Variants in GDPD4 observed in about 807,000 individuals in gnomAD.
GDPD4 encodes the protein glycerophosphodiester phosphodiesterase domain containing 4, also known as glycerophosphodiester phosphodiesterase 6.
GDPD4 carries 60 observed loss-of-function variants against 67.8 expected under a neutral mutation model. The ratio of observed to expected loss-of-function variants is 0.88; its 90% CI spans 0.72 to 1.10. The LOEUF is 1.10. GDPD4 is among the 50% of genes least tolerant of loss of function. The pLI, the probability that GDPD4 is intolerant of heterozygous loss-of-function variation, is 0.00. For missense variants in GDPD4, 623 were observed against 613.9 expected, an observed-to-expected ratio of 1.01 and a Z score of -0.16; for synonymous variants, 212 against 210.9, an observed-to-expected ratio of 1.00 and a Z score of -0.04.
At chr11:77,232,933 C>T in intron 14 of GDPD4, 92 bp downstream of exon 14, 1 of 1,166,762 alleles carries the variant, frequency 8.6e-7, no homozygotes. Flanking sequence ...TAAGTGGCTG[C>T]CCAGGGGATG....
At chr11:77,251,725 T>C (rs1591547815) in intron 11 of GDPD4, among the ~76,000 whole-genome samples, 2 of 152,214 alleles carry the variant, frequency 1.3e-5, no homozygotes, top group East Asian at 3.8e-4. Context: ...TTCTTAGATC[T>C]ATATGTCCAC....
At chr11:77,244,177 G>A (rs375554566) in intron 12 of GDPD4, among the ~76,000 whole-genome samples, 2 of 152,042 alleles carry the variant, frequency 1.3e-5, no homozygotes, top group Admixed American at 6.5e-5. Flanking sequence ...TACCACACCC[G>A]GCTAATTTTT....
At chr11:77,230,958 G>A (rs1958443002) in intron 14 of GDPD4, among the ~76,000 whole-genome samples, 1 of 152,140 alleles carries the variant, frequency 6.6e-6, no homozygotes, top group Non-Finnish European at 1.5e-5. Flanking sequence ...TCCACTAGGT[G>A]AACACACTCC....
At position 77,235,503 on chromosome 11, in the gene GDPD4, G is replaced by A. The variant is rs144315943; in HGVS notation, c.1242-2331C>T. ...ACACATAAATCAGTGGAACAGAACCGAAAACCATACAATAGATCCATACAA... is the reference window on the plus strand; with the variant it reads ...ACACATAAATCAGTGGAACAGAACCAAAAACCATACAATAGATCCATACAA... On this transcript the variant is annotated intron_variant, in intron 13 of 16. Coordinates refer to ENST00000315938, the MANE Select transcript of GDPD4 (RefSeq NM_182833.3). 9.7e-4 allele frequency among the ~76,000 whole-genome samples: 148 copies of A among 152,276 alleles called. 1 individual carries two copies. Among genetic ancestry groups the A allele is most frequent in the African/African-American group, 3.4e-3 (142 of 41,564 alleles).
chr11:77,220,866 A>C (rs1226685605), intron 16 of GDPD4, among the ~76,000 whole-genome samples: 5 of 152,112 alleles, frequency 3.3e-5, no homozygotes, highest in Non-Finnish European at 7.4e-5. Context: ...GCTCTTAATT[A>C]TTGCCTCAAT....
intron 11 of GDPD4, among the ~76,000 whole-genome samples, chr11:77,252,001 G>A (rs980810171): frequency 6.7e-6 from 1 of 149,662 alleles, no homozygotes; most frequent in African/African-American, 2.5e-5. Context: ...TTTTATTTTG[G>A]TACTTGAATT....
At chr11:77,239,693 C>T (rs1958628239) in intron 13 of GDPD4, among the ~76,000 whole-genome samples, 1 of 152,082 alleles carries the variant, frequency 6.6e-6, no homozygotes, top group African/African-American at 2.4e-5. Context: ...GGTGCGGTGG[C>T]TCACACCTTA....
chr11:77,235,472 A>C (rs1352532587), intron 13 of GDPD4, among the ~76,000 whole-genome samples: 1 of 152,192 alleles, frequency 6.6e-6, no homozygotes, highest in Non-Finnish European at 1.5e-5. Flanking sequence ...ATTAGAGGAG[A>C]TATGGACACA....
At position 77,243,812 on chromosome 11, in the gene GDPD4, T is replaced by G. The variant is rs373470613; in HGVS notation, c.1123A>C (p.Arg375=). ...TGCTGAAAACCAGGAGCCACGGACCTGACGTATTGCCTATCATGAGCTGGC... is the reference window on the plus strand; with the variant it reads ...TGCTGAAAACCAGGAGCCACGGACCGGACGTATTGCCTATCATGAGCTGGC... The part of the protein sequence containing the change: ...WLPAHDRQYV[R]SVAPGFQHVG... Residue 375 remains arginine (R), a synonymous_variant, in exon 13 of 17, where the codon AGG becomes CGG. Coordinates refer to ENST00000315938, the MANE Select transcript of GDPD4 (RefSeq NM_182833.3). 2.7e-5 allele frequency: 44 copies of G among 1,613,720 alleles called. No individual in the cohort carries two copies. The highest frequency in any genetic ancestry group is 3.6e-5 in the Non-Finnish European group (42 of 1,179,814).
chr11:77,256,779 A>G (rs1182646039), intron 11 of GDPD4, among the ~76,000 whole-genome samples: 1 of 152,170 alleles, frequency 6.6e-6, no homozygotes, highest in East Asian at 1.9e-4. Context: ...TCGCCATATG[A>G]CATGCCTTGC....
chr11:77,228,499 CAAAAAAAAA>C lies in GDPD4; in HGVS notation c.1473-592_1473-584del, dbSNP rs58364800. On this transcript the variant is annotated intron_variant, in intron 15 of 16. Coordinates refer to ENST00000315938, the MANE Select transcript of GDPD4 (RefSeq NM_182833.3). ...TGGGTGACAGAGCAAGACTCCGTCT[CAAAAAAAAA>C]AAAAAAAAAAAAAAAAAAAATTAGC... Among the ~76,000 whole-genome samples the C allele has an allele frequency of 8.6e-3, 229 of 26,634 alleles. 1 individual carries two copies. The highest frequency in any genetic ancestry group is 0.03 in the African/African-American group (191 of 6,406). 17.5% of individuals were successfully genotyped at this position (26,634 alleles called of 152,430 possible).
chr11:77,296,250 C>CAAAAA (rs200238027), intron 1 of GDPD4, among the ~76,000 whole-genome samples: 4 of 103,364 alleles, frequency 3.9e-5, no homozygotes, highest in Non-Finnish European at 5.7e-5. Flanking sequence ...GACTTCGTCT[C>CAAAAA]AAAAAAAAAA....
intron 12 of GDPD4, among the ~76,000 whole-genome samples, chr11:77,244,792 G>C (rs1466591540): frequency 6.6e-6 from 1 of 152,140 alleles, no homozygotes; most frequent in Admixed American, 6.5e-5. Flanking sequence ...TTCACTCACA[G>C]CACTCCCATA....
At chr11:77,232,589 G>T (rs79087533) in intron 14 of GDPD4, among the ~76,000 whole-genome samples, 1 of 152,276 alleles carries the variant, frequency 6.6e-6, no homozygotes, top group East Asian at 1.9e-4. Context: ...AGTCAAGTAC[G>T]CTTGGTTTTC....
intron 13 of GDPD4, among the ~76,000 whole-genome samples, chr11:77,240,111 A>G (rs1429466138): frequency 1.4e-5 from 2 of 139,602 alleles, no homozygotes; most frequent in African/African-American, 2.7e-5. Context: ...CAAACTTCCA[A>G]TGTAATTTTT....
chr11:77,255,276 C>A (rs1347333989), intron 11 of GDPD4, among the ~76,000 whole-genome samples: 1 of 151,982 alleles, frequency 6.6e-6, no homozygotes, highest in Non-Finnish European at 1.5e-5. Context: ...GTTTGAAAAC[C>A]AAAAATAAGG....
intron 4 of GDPD4, among the ~76,000 whole-genome samples, chr11:77,279,006 T>G (rs1387271727): frequency 2.0e-5 from 3 of 152,156 alleles, no homozygotes; most frequent in African/African-American, 7.2e-5. Context: ...ATGACAATAT[T>G]GAGGGAACCA....
At chr11:77,267,348 T>C (rs1381064302) in intron 10 of GDPD4, among the ~76,000 whole-genome samples, 1 of 152,234 alleles carries the variant, frequency 6.6e-6, no homozygotes, top group Non-Finnish European at 1.5e-5. Flanking sequence ...ATGCTCATCA[T>C]TAAGTGAGAT....
At chr11:77,234,040 TAAATGC>T (rs1335003211) in intron 13 of GDPD4, among the ~76,000 whole-genome samples, 3 of 152,162 alleles carry the variant, frequency 2.0e-5, no homozygotes, top group African/African-American at 7.2e-5. Flanking sequence ...ACATACCATG[TAAATGC>T]CTTCAAAAAA....
Sources: gnomAD v4.1 joint callset for allele counts (sites outside exome capture counted in the v4.1 genomes callset) on GRCh38, gnomAD v4.1.1 for gene constraint, MANE v1.5 for transcripts, NCBI Gene and HGNC (gene_info 2026-07-23, HGNC 2026-07-21) for gene names.